TAF4B: variants seen among roughly 807,000 people sequenced by gnomAD.
TAF4B encodes the protein transcription initiation factor TFIID subunit 4B.
In TAF4B, 38 loss-of-function variants were observed where a neutral mutation model predicts 86.4. The observed-to-expected ratio is 0.44, with a 90% CI of 0.34 to 0.58. The LOEUF (loss-of-function observed/expected upper bound fraction) is 0.58, where lower values mean the gene tolerates loss of function less well. Among genes scored for constraint, TAF4B ranks in the 20% least tolerant of loss-of-function variants. The pLI, the probability that TAF4B is intolerant of heterozygous loss-of-function variation, is 0.02. For missense variants in TAF4B, 988 were observed against 1,027.6 expected, an observed-to-expected ratio of 0.96 and a Z score of 0.53; for synonymous variants, 388 against 391.2, an observed-to-expected ratio of 0.99 and a Z score of 0.10.
chr18:26,270,259 G>A (rs2056296264), intron 3 of TAF4B, among the ~76,000 whole-genome samples: 1 of 152,144 alleles, frequency 6.6e-6, no homozygotes, highest in African/African-American at 2.4e-5. Flanking sequence ...CCAGTTTAGT[G>A]GTAAAGTGAG....
chr18:26,275,140 T>A (rs934384468), intron 5 of TAF4B, 87 bp downstream of exon 5: 4 of 1,289,566 alleles, frequency 3.1e-6, no homozygotes, highest in African/African-American at 3.0e-5. Flanking sequence ...AAATGGGATT[T>A]ATTTAATTTA....
Position 26,390,110 on chromosome 18 carries a change from C to A in TAF4B, c.*98C>A. ...GAAATTTCAATTTCTGGAAAATAAT[C>A]ACCAACATGAAAGAGCATTGTTTAC... On this transcript the variant is annotated 3_prime_UTR_variant, in exon 15 of 15. Coordinates refer to ENST00000269142, the MANE Select transcript of TAF4B (RefSeq NM_005640.3). 7.9e-7 allele frequency: 1 copy of A among 1,266,016 alleles called. No individual in the cohort carries two copies. The highest frequency in any genetic ancestry group is 1.6e-5 in the South Asian group (1 of 63,540). 78.4% of individuals were successfully genotyped at this position (1,266,016 alleles called of 1,614,324 possible).
chr18:26,347,396 A>G (rs1216004866), intron 13 of TAF4B, among the ~76,000 whole-genome samples: 1 of 152,140 alleles, frequency 6.6e-6, no homozygotes, highest in East Asian at 1.9e-4. Context: ...AAAGGATGTG[A>G]AGCTATAAAA....
intron 3 of TAF4B, among the ~76,000 whole-genome samples, chr18:26,268,758 T>C (rs1270514545): frequency 6.6e-6 from 1 of 152,232 alleles, no homozygotes; most frequent in Non-Finnish European, 1.5e-5. Flanking sequence ...TGCTGGATCA[T>C]GGTTACAAGG....
At chr18:26,288,999 C>T (rs1481465296) in intron 7 of TAF4B, among the ~76,000 whole-genome samples, 2 of 151,986 alleles carry the variant, frequency 1.3e-5, no homozygotes, top group African/African-American at 4.8e-5. Context: ...GTATTTACAC[C>T]TACCTGTTTA....
At chr18:26,287,209 G>C (rs529293272) in intron 7 of TAF4B, among the ~76,000 whole-genome samples, 1 of 152,248 alleles carries the variant, frequency 6.6e-6, no homozygotes, top group Non-Finnish European at 1.5e-5. Context: ...TTGCTGTGTT[G>C]CCCAAGCTGG....
intron 13 of TAF4B, among the ~76,000 whole-genome samples, chr18:26,346,823 GTATATATATATA>G (rs1197712479): frequency 1.3e-4 from 2 of 15,090 alleles, no homozygotes; most frequent in Non-Finnish European, 2.0e-4. Context: ...ATATGTGTGT[GTATATATATATA>G]TGTGTGTGTG....
At chr18:26,331,255 A>G (rs2057048221) in intron 12 of TAF4B, among the ~76,000 whole-genome samples, 1 of 152,222 alleles carries the variant, frequency 6.6e-6, no homozygotes, top group Non-Finnish European at 1.5e-5. Context: ...GCTGTAAACA[A>G]GGTCATAAAC....
At chr18:26,389,696 G>T in intron 14 of TAF4B, 149 bp from the exon 15 acceptor site, 1 of 757,702 alleles carries the variant, frequency 1.3e-6, no homozygotes, top group South Asian at 2.1e-5. Context: ...TTGGCTGCTG[G>T]AGGACAGGGT....
At chr18:26,382,028 A>G (rs1019913842) in intron 14 of TAF4B, among the ~76,000 whole-genome samples, 1 of 152,130 alleles carries the variant, frequency 6.6e-6, no homozygotes, top group Non-Finnish European at 1.5e-5. Flanking sequence ...TAGAATTACT[A>G]GAGTTTTAAA....
intron 14 of TAF4B, among the ~76,000 whole-genome samples, chr18:26,362,594 CAA>C (rs2057340255): frequency 6.6e-6 from 1 of 152,074 alleles, no homozygotes; most frequent in Non-Finnish European, 1.5e-5. Context: ...GTGTTCAAAA[CAA>C]TGATAAAAAC....
At chr18:26,278,231 G>A (rs1279812187) in intron 5 of TAF4B, among the ~76,000 whole-genome samples, 2 of 152,174 alleles carry the variant, frequency 1.3e-5, no homozygotes, top group African/African-American at 2.4e-5. Context: ...ATCTACTGAA[G>A]AGTTGAGATT....
Position 26,291,844 on chromosome 18 carries a change from A to AGTGAGTAGGGGTGTAGAT in TAF4B, c.1591-400_1591-383dup, listed in dbSNP as rs1455040060. On this transcript the variant is annotated intron_variant, in intron 7 of 14. Coordinates refer to ENST00000269142, the MANE Select transcript of TAF4B (RefSeq NM_005640.3). Reference sequence around the variant, plus strand: ...TTAAAATAATTGAGGGCGGCAGGGAAGTGAGTAGGGGTGTAGATGGAAACA... The same window carrying AGTGAGTAGGGGTGTAGAT: ...TTAAAATAATTGAGGGCGGCAGGGAAGTGAGTAGGGGTGTAGATGTGAGTAGGGGTGTAGATGGAAACA... 2.6e-5 allele frequency among the ~76,000 whole-genome samples: 4 copies of AGTGAGTAGGGGTGTAGAT among 152,274 alleles called. No individual in the cohort carries two copies. The East Asian group carries it at 7.7e-4, about 29-fold the overall frequency.
At position 26,226,810 on chromosome 18, in the gene TAF4B, C is replaced by G. The variant is rs1598694367; in HGVS notation, c.-124C>G. On this transcript the variant is annotated 5_prime_UTR_variant, in exon 1 of 15. Coordinates refer to ENST00000269142, the MANE Select transcript of TAF4B (RefSeq NM_005640.3). ...TCACTGACTTCGCTGCTGCGGCCCC[C>G]GCGCCTCTCCCCAGCGATGCTGTGG... 4.0e-6 allele frequency: 3 copies of G among 748,942 alleles called. No individual in the cohort carries two copies. In the East Asian group the frequency reaches 1.0e-4, roughly 26 times the overall value. The allele number at this position is 748,942 out of a possible 1,614,324, so 46.4% of individuals were successfully genotyped here.
intron 14 of TAF4B, among the ~76,000 whole-genome samples, chr18:26,386,166 C>G (rs767500353): frequency 1.4e-4 from 22 of 152,204 alleles, no homozygotes; most frequent in Non-Finnish European, 2.5e-4. Context: ...CTCAGGCTCT[C>G]TGCTGCATCC....
intron 5 of TAF4B, among the ~76,000 whole-genome samples, chr18:26,280,148 A>G (rs1446077722): frequency 1.3e-5 from 2 of 152,200 alleles, no homozygotes; most frequent in South Asian, 2.1e-4. Flanking sequence ...ACTTTTCACC[A>G]TATATAAAAA....
intron 14 of TAF4B, among the ~76,000 whole-genome samples, chr18:26,382,031 G>T (rs1053758401): frequency 1.3e-5 from 2 of 151,944 alleles, no homozygotes; most frequent in African/African-American, 2.4e-5. Context: ...AATTACTAGA[G>T]TTTTAAACAA....
chr18:26,263,711 TTCTC>T (rs10670568), intron 1 of TAF4B, among the ~76,000 whole-genome samples: 42 of 150,890 alleles, frequency 2.8e-4, no homozygotes, highest in Non-Finnish European at 5.8e-4. Flanking sequence ...CTTTCTCTCT[TTCTC>T]TCTCTCTCTC....
At position 26,265,171 on chromosome 18, in the gene TAF4B, A is replaced by G; in HGVS notation, c.345A>G (p.Gly115=). The G allele has an allele frequency of 6.2e-7, 1 of 1,609,388 alleles. No individual in the cohort carries two copies. The highest frequency in any genetic ancestry group is 1.1e-5 in the South Asian group (1 of 89,670). ...CTTTTTTTTCTTTTTTAAATATAGG[A>G]ACCGTTTTGATTAAAAGTAACAGTG... ...QFPANLQLPP[G]TVLIKSNSGP... Residue 115 remains glycine (G), a splice_region_variant and synonymous_variant, in exon 2 of 15, where the codon GGA becomes GGG. Coordinates refer to ENST00000269142, the MANE Select transcript of TAF4B (RefSeq NM_005640.3).
Sources: allele counts gnomAD v4.1 joint callset (sites outside exome capture counted in the v4.1 genomes callset), GRCh38; gene constraint gnomAD v4.1.1; transcripts MANE v1.5; gene names NCBI Gene and HGNC (gene_info 2026-07-23, HGNC 2026-07-21).